Variants in PRKCQ observed in about 807,000 individuals in gnomAD.
The protein encoded by PRKCQ is protein kinase C theta type.
PRKCQ carries 41 observed loss-of-function variants against 91.2 expected under a neutral mutation model. The observed-to-expected ratio is 0.45, with a 90% CI of 0.35 to 0.58. The LOEUF is 0.58. Among genes scored for constraint, PRKCQ ranks in the 20% least tolerant of loss-of-function variants. PRKCQ has a pLI of 0.00. For synonymous variants in PRKCQ, 307 were observed against 316.9 expected (o/e 0.97, Z 0.33); for missense variants, 673 against 896.5 (o/e 0.75, Z 3.18).
chr10:6,448,804 C>G (rs1834474390), intron 15 of PRKCQ, among the ~76,000 whole-genome samples: 1 of 152,130 alleles, frequency 6.6e-6, no homozygotes, highest in African/African-American at 2.4e-5. Context: ...GACACCGCTG[C>G]TGATACCCAG....
Position 6,505,120 on chromosome 10 carries a change from C to T in PRKCQ, c.379+2316G>A, listed in dbSNP as rs138844123. Among the ~76,000 whole-genome samples the T allele has an allele frequency of 5.5e-3, 833 of 152,252 alleles. 11 individuals carry two copies. The highest frequency in any genetic ancestry group is 0.019 in the African/African-American group (781 of 41,532). ...ATGTTAGCCAGGATGGTCTCGGTCT[C>T]CTGACCTCGGATCCACCTGCCTCGG... On this transcript the variant is annotated intron_variant, in intron 4 of 17. Transcript: ENST00000263125.
intron 1 of PRKCQ, among the ~76,000 whole-genome samples, chr10:6,571,561 T>A (rs1300896407): frequency 6.6e-6 from 1 of 152,170 alleles, no homozygotes; most frequent in African/African-American, 2.4e-5. Context: ...ATCCCAGCAC[T>A]TTGGGAGGCC....
chr10:6,575,485 C>T (rs1841194251), intron 1 of PRKCQ, among the ~76,000 whole-genome samples: 1 of 152,212 alleles, frequency 6.6e-6, no homozygotes, highest in Non-Finnish European at 1.5e-5. Flanking sequence ...GTGGAGATAA[C>T]CCTACCTACC....
At chr10:6,416,800 A>C in the PRKCQ span, among the ~76,000 whole-genome samples, 1 of 152,132 alleles carries the variant, frequency 6.6e-6, no homozygotes, top group Non-Finnish European at 1.5e-5. Context: ...ACTGTTTTCC[A>C]CAGTGGTTGT....
chr10:6,547,095 G>A (rs895290542), intron 1 of PRKCQ, among the ~76,000 whole-genome samples: 3 of 152,104 alleles, frequency 2.0e-5, no homozygotes, highest in Non-Finnish European at 2.9e-5. Flanking sequence ...CTTGATCATG[G>A]TGGATAAGCT....
chr10:6,429,393 C>G (rs1218661463), intron 17 of PRKCQ, among the ~76,000 whole-genome samples: 3 of 152,206 alleles, frequency 2.0e-5, no homozygotes, highest in African/African-American at 7.2e-5. Flanking sequence ...AATTAGAGTG[C>G]TTGAGGCTGG....
intron 1 of PRKCQ, among the ~76,000 whole-genome samples, chr10:6,550,747 T>G (rs191838807): frequency 5.0e-4 from 76 of 152,346 alleles, no homozygotes; most frequent in African/African-American, 1.8e-3. Flanking sequence ...GTAGAATTGC[T>G]GGATCATGCA....
At chr10:6,468,710 C>T (rs1012307117) in intron 12 of PRKCQ, among the ~76,000 whole-genome samples, 1 of 152,180 alleles carries the variant, frequency 6.6e-6, no homozygotes, top group African/African-American at 2.4e-5. Flanking sequence ...TTTGCAATCT[C>T]TGCAAAATAA....
chr10:6,420,010 CAG>C, the PRKCQ span, among the ~76,000 whole-genome samples: 1 of 151,270 alleles, frequency 6.6e-6, no homozygotes, highest in African/African-American at 2.4e-5. Context: ...TTTTTTGAGA[CAG>C]AGTCTCACTC....
chr10:6,475,490 C>A (rs1183608748), intron 12 of PRKCQ, among the ~76,000 whole-genome samples: 1 of 152,156 alleles, frequency 6.6e-6, no homozygotes, highest in East Asian at 1.9e-4. Flanking sequence ...ATCCAAATGA[C>A]CCTAATTAAT....
chr10:6,525,231 C>T (rs1316080310), intron 1 of PRKCQ, among the ~76,000 whole-genome samples: 2 of 151,246 alleles, frequency 1.3e-5, no homozygotes. Flanking sequence ...ATCAAATATC[C>T]TATTAATTTG....
chr10:6,563,309 T>A (rs188448687), intron 1 of PRKCQ, among the ~76,000 whole-genome samples: 13 of 152,134 alleles, frequency 8.5e-5, no homozygotes, highest in Admixed American at 8.5e-4. Flanking sequence ...ATGCCTACTA[T>A]GACTGAGCTC....
At chr10:6,424,773 G>T (rs1415652393), downstream of PRKCQ, among the ~76,000 whole-genome samples, 1 of 152,164 alleles carries the variant, frequency 6.6e-6, no homozygotes, top group African/African-American at 2.4e-5. Context: ...CCTGGTCAAT[G>T]CTCTCTCTGT....
chr10:6,472,411 G>T (rs1407502984), intron 12 of PRKCQ, among the ~76,000 whole-genome samples: 1 of 152,240 alleles, frequency 6.6e-6, no homozygotes, highest in Non-Finnish European at 1.5e-5. Context: ...TCCTGAATAT[G>T]TATTCACTCA....
rs1004993573 is a variant in PRKCQ at position 6,428,281 on chromosome 10, T to C, written c.2047A>G (p.Ile683Val). Residue 683 changes from isoleucine (I) to valine (V), a missense_variant, in exon 18 of 18, where the codon ATC becomes GTC. Coordinates refer to ENST00000263125, the MANE Select transcript of PRKCQ (RefSeq NM_006257.5). ...PRLSFADRALINSMDQNMFRN... is the reference protein window; with the variant it reads ...PRLSFADRALVNSMDQNMFRN... ...AACATATTCTGGTCCATGCTGTTGA[T>C]CAGTGCTCTGTCGGCAAATGACAGC... is the stretch of plus-strand genomic sequence containing the variant. 5.6e-6 allele frequency: 9 copies of C among 1,614,096 alleles called. No individual in the cohort carries two copies. The African/African-American group carries it at 8.0e-5, about 14-fold the overall frequency.
intron 1 of PRKCQ, among the ~76,000 whole-genome samples, chr10:6,570,416 G>C (rs1313918749): frequency 6.6e-6 from 1 of 152,086 alleles, no homozygotes; most frequent in Non-Finnish European, 1.5e-5. Flanking sequence ...AATACAGAGA[G>C]AATGGGGCCA....
At chr10:6,446,050 A>G (rs1817511069) in intron 15 of PRKCQ, among the ~76,000 whole-genome samples, 1 of 152,252 alleles carries the variant, frequency 6.6e-6, no homozygotes, top group African/African-American at 2.4e-5. Context: ...AGGAAGAAGT[A>G]AAACGCAAAC....
intron 1 of PRKCQ, among the ~76,000 whole-genome samples, chr10:6,557,724 T>G (rs1840474879): frequency 6.6e-6 from 1 of 152,224 alleles, no homozygotes; most frequent in Non-Finnish European, 1.5e-5. Flanking sequence ...CCAGGTGATG[T>G]TCCACCAGCC....
In PRKCQ at chr10:6,464,313, G is replaced by T. The variant is rs777417433; in HGVS notation, c.1445C>A (p.Thr482Lys). 4.3e-6 allele frequency: 7 copies of T among 1,612,594 alleles called. No individual in the cohort carries two copies. The African/African-American group carries it at 5.4e-5, about 12-fold the overall frequency. Reference sequence around the variant, plus strand: ...TCCCAAACCCTTTAAAGCCTCTTACGTCGCTCTGGAAAGGTCGAACTTGTG... The same window carrying T: ...TCCCAAACCCTTTAAAGCCTCTTACTTCGCTCTGGAAAGGTCGAACTTGTG... ...SCHKFDLSRA[T>K]FYAAEIILGL... Residue 482 changes from threonine (T) to lysine (K), a missense_variant and splice_region_variant, in exon 13 of 18, where the codon ACG becomes AAG. Coordinates refer to ENST00000263125, the MANE Select transcript of PRKCQ (RefSeq NM_006257.5).
Sources: allele counts gnomAD v4.1 joint callset (sites outside exome capture counted in the v4.1 genomes callset), GRCh38; gene constraint gnomAD v4.1.1; transcripts MANE v1.5; gene names NCBI Gene and HGNC (gene_info 2026-07-23, HGNC 2026-07-21).